The following ADAMTS17 variants were observed in gnomAD, a reference collection of about 807,000 sequenced individuals.
ADAMTS17 encodes A disintegrin and metalloproteinase with thrombospondin motifs 17.
Under a neutral mutation model 141.5 loss-of-function variants are expected in ADAMTS17, and 113 were observed. The ratio of observed to expected loss-of-function variants is 0.80; its 90% confidence interval spans 0.69 to 0.93. The LOEUF (loss-of-function observed/expected upper bound fraction) is 0.93. ADAMTS17 is among the 40% of genes least tolerant of loss of function. The pLI is 0.00. For synonymous variants in ADAMTS17, 768 were observed against 630.6 expected, an observed-to-expected ratio of 1.22 and a Z score of -3.27; for missense variants, 1,659 against 1,517.9, an observed-to-expected ratio of 1.09 and a Z score of -1.54.
chr15:99,973,565 A>AAGCTT lies in ADAMTS17; in HGVS notation c.*832_*836dup, dbSNP rs2060255973. On this transcript the variant is annotated 3_prime_UTR_variant, in exon 22 of 22. Coordinates refer to ENST00000268070, the MANE Select transcript of ADAMTS17 (RefSeq NM_139057.4). Reference sequence around the variant, plus strand: ...CCATCCGCCCCAGTGAAGCTGGCCCAAGCTTACCTTTGCCTTAGGAAGCAA... The same window carrying AAGCTT: ...CCATCCGCCCCAGTGAAGCTGGCCCAAGCTTAGCTTACCTTTGCCTTAGGAAGCAA... 1 of 152,398 alleles carries AAGCTT rather than the reference A, an allele frequency of 6.6e-6. No individual in the cohort carries two copies. The highest frequency in any genetic ancestry group is 1.5e-5 in the Non-Finnish European group (1 of 68,202). The allele number at this position is 152,398 out of a possible 1,614,324, so 9.4% of individuals were successfully genotyped here. A position where few individuals can be genotyped will look rare whatever the true frequency, so the allele number is the denominator to read the frequency against.
Position 100,167,511 on chromosome 15 carries a change from A to G in ADAMTS17, c.1182-12191T>C, listed in dbSNP as rs537710811. Among the ~76,000 whole-genome samples, 12 of 152,328 alleles carry G rather than the reference A, an allele frequency of 7.9e-5. No homozygotes were observed. In the South Asian group the frequency reaches 1.9e-3, roughly 24 times the overall value. ...TTCTTAGACTTGAAGAGTCAGAACCAAAAGCTCTTTGCATCCAAGTGAAGG... is the reference window on the plus strand; with the variant it reads ...TTCTTAGACTTGAAGAGTCAGAACCGAAAGCTCTTTGCATCCAAGTGAAGG... On this transcript the variant is annotated intron_variant, in intron 8 of 21. Transcript: ENST00000268070.
chr15:100,247,729 C>G (rs1472063198), intron 7 of ADAMTS17, among the ~76,000 whole-genome samples: 1 of 152,168 alleles, frequency 6.6e-6, no homozygotes, highest in Admixed American at 6.6e-5. Context: ...AGGTCCAGCA[C>G]ACAACACCGT....
chr15:99,988,970 CA>C (rs1326030360), intron 20 of ADAMTS17, among the ~76,000 whole-genome samples: 1 of 152,162 alleles, frequency 6.6e-6, no homozygotes, highest in African/African-American at 2.4e-5. Context: ...TGTACAAAAG[CA>C]AAAGTGTCCA....
intron 18 of ADAMTS17, among the ~76,000 whole-genome samples, chr15:100,002,306 G>A (rs529559439): frequency 1.3e-5 from 2 of 152,080 alleles, no homozygotes; most frequent in South Asian, 2.1e-4. Context: ...GTCTGCTCCC[G>A]CCTTTGCTTG....
intron 20 of ADAMTS17, among the ~76,000 whole-genome samples, chr15:99,977,216 G>A (rs2060353799): frequency 6.6e-6 from 1 of 150,722 alleles, no homozygotes; most frequent in African/African-American, 2.4e-5. Flanking sequence ...CTGGCTGCTG[G>A]CATCTCCAGC....
At chr15:100,233,437 C>G (rs930231148) in intron 7 of ADAMTS17, among the ~76,000 whole-genome samples, 4 of 152,028 alleles carry the variant, frequency 2.6e-5, no homozygotes, top group Non-Finnish European at 5.9e-5. Flanking sequence ...TTCCCTAGCA[C>G]TGTGTCCTGA....
intron 10 of ADAMTS17, among the ~76,000 whole-genome samples, chr15:100,139,562 G>A (rs55746345): frequency 0.066 from 10,069 of 152,290 alleles, 443 homozygotes; most frequent in African/African-American, 0.12. Flanking sequence ...AACGGCTACA[G>A]AAAAACTCAA....
intron 20 of ADAMTS17, among the ~76,000 whole-genome samples, chr15:99,982,950 A>T (rs1366344005): frequency 6.6e-6 from 1 of 152,206 alleles, no homozygotes; most frequent in Admixed American, 6.5e-5. Context: ...AAAATTGTTG[A>T]TGCACAAAGG....
Position 99,974,384 on chromosome 15 carries a change from G to T in ADAMTS17, c.*18C>A. The stretch of plus-strand genomic sequence containing the variant: ...TCAGACCTGAGTCTGAGCTTTGAGC[G>T]ACCCTTGGGACTGCGTGTCACGAGT... On this transcript the variant is annotated 3_prime_UTR_variant, in exon 22 of 22. Transcript: ENST00000268070. The T allele has an allele frequency of 6.2e-7, 1 of 1,613,954 alleles. No homozygotes were observed. The highest frequency in any genetic ancestry group is 8.5e-7 in the Non-Finnish European group (1 of 1,180,012).
chr15:100,109,165 G>T, intron 13 of ADAMTS17, 49 bp from the exon 14 acceptor site: 1 of 1,564,802 alleles, frequency 6.4e-7, no homozygotes, highest in Non-Finnish European at 8.7e-7. Context: ...GTGTGCGTGG[G>T]CCATGCAGGG....
chr15:100,146,534 C>A (rs1333903819), intron 10 of ADAMTS17, among the ~76,000 whole-genome samples: 1 of 152,170 alleles, frequency 6.6e-6, no homozygotes, highest in Non-Finnish European at 1.5e-5. Context: ...ATTGTGTTAA[C>A]TGCACAAATT....
chr15:100,005,635 G>T (rs1314712497), intron 18 of ADAMTS17, among the ~76,000 whole-genome samples: 1 of 152,066 alleles, frequency 6.6e-6, no homozygotes, highest in Admixed American at 6.6e-5. Context: ...CTACTTTAAG[G>T]CCAGCTGATT....
chr15:100,285,641 A>T (rs1175712214), intron 3 of ADAMTS17, among the ~76,000 whole-genome samples: 2 of 152,242 alleles, frequency 1.3e-5, no homozygotes, highest in South Asian at 2.1e-4. Flanking sequence ...ATAGGCAAGG[A>T]GTAGCCTGCT....
chr15:100,215,459 G>C (rs940543134), intron 7 of ADAMTS17, among the ~76,000 whole-genome samples: 14 of 152,112 alleles, frequency 9.2e-5, no homozygotes, highest in African/African-American at 3.4e-4. Context: ...CAGTATGACC[G>C]ATTCTCCTTC....
At chr15:100,123,135 C>T (rs542200981) in intron 12 of ADAMTS17, among the ~76,000 whole-genome samples, 35 of 152,092 alleles carry the variant, frequency 2.3e-4, no homozygotes, top group Non-Finnish European at 4.3e-4. Flanking sequence ...TGTGTGGACA[C>T]GGGGCTTCAG....
At chr15:100,107,286 G>A (rs1254651045) in intron 14 of ADAMTS17, among the ~76,000 whole-genome samples, 1 of 152,164 alleles carries the variant, frequency 6.6e-6, no homozygotes, top group Non-Finnish European at 1.5e-5. Context: ...CAGATCTGCT[G>A]TCCGCATGGG....
chr15:99,989,312 A>G (rs28525518), intron 20 of ADAMTS17, among the ~76,000 whole-genome samples: 16,398 of 152,226 alleles, frequency 0.11, 2,708 homozygotes, highest in African/African-American at 0.36. Flanking sequence ...ATGTGGCCCA[A>G]GCCTAGAACT....
chr15:99,986,834 AAAC>A (rs973972650), intron 20 of ADAMTS17, among the ~76,000 whole-genome samples: 28 of 152,298 alleles, frequency 1.8e-4, no homozygotes, highest in African/African-American at 6.5e-4. Context: ...CAGTGGGTGA[AAAC>A]AACGATCAGC....
At chr15:100,129,410 T>C (rs2037916722) in intron 12 of ADAMTS17, 2 of 152,294 alleles carry the variant, frequency 1.3e-5, no homozygotes, top group Non-Finnish European at 2.9e-5. Context: ...CTTCCAAGTT[T>C]CAGATGAAAA....
Sources: gnomAD v4.1 joint callset for allele counts (sites outside exome capture counted in the v4.1 genomes callset) on GRCh38, gnomAD v4.1.1 for gene constraint, MANE v1.5 for transcripts, NCBI Gene and HGNC (gene_info 2026-07-23, HGNC 2026-07-21) for gene names.